The following CRADD variants were observed in gnomAD, a reference collection of about 807,000 sequenced individuals.
CRADD encodes death domain-containing protein CRADD.
CRADD carries 9 observed loss-of-function variants against 15.5 expected under a neutral mutation model. The observed-to-expected ratio is 0.58, with a 90% CI of 0.35 to 1.01. The LOEUF (loss-of-function observed/expected upper bound fraction) is 1.01, where lower values mean the gene tolerates loss of function less well. CRADD is among the 50% of genes least tolerant of loss of function. The pLI, the probability that CRADD is intolerant of heterozygous loss-of-function variation, is 0.02. For missense variants in CRADD, 227 were observed against 250.3 expected, an observed-to-expected ratio of 0.91 and a Z score of 0.63; for synonymous variants, 118 against 107.6, an observed-to-expected ratio of 1.10 and a Z score of -0.60.
intron 2 of CRADD, among the ~76,000 whole-genome samples, chr12:93,731,363 A>G (rs529326726): frequency 6.6e-6 from 1 of 152,310 alleles, no homozygotes; most frequent in Non-Finnish European, 1.5e-5. Flanking sequence ...AGATCTGTAT[A>G]TTTACTTTGC....
chr12:93,764,180 C>CTT (rs34243041), intron 2 of CRADD, among the ~76,000 whole-genome samples: 39,550 of 128,044 alleles, frequency 0.31, 6,328 homozygotes, highest in East Asian at 0.51. Flanking sequence ...ACATGATCAA[C>CTT]TTTTTTTTTT....
chr12:93,810,762 T>G (rs1193468261), intron 2 of CRADD, among the ~76,000 whole-genome samples: 1 of 152,028 alleles, frequency 6.6e-6, no homozygotes, highest in Non-Finnish European at 1.5e-5. Flanking sequence ...CAACAGTAGG[T>G]TCAACCTGGC....
intron 2 of CRADD, among the ~76,000 whole-genome samples, chr12:93,808,828 GGAA>G (rs1957581906): frequency 6.6e-6 from 1 of 152,102 alleles, no homozygotes; most frequent in African/African-American, 2.4e-5. Flanking sequence ...AGGAGGTCGG[GGAA>G]AGTAGACCAC....
chr12:93,766,156 CG>C (rs1222429165), intron 2 of CRADD, among the ~76,000 whole-genome samples: 3 of 152,134 alleles, frequency 2.0e-5, no homozygotes, highest in African/African-American at 7.2e-5. Flanking sequence ...TACTTGTCAT[CG>C]TTCATCCTCT....
At chr12:93,798,111 C>T (rs2885690) in intron 2 of CRADD, among the ~76,000 whole-genome samples, 47,316 of 152,058 alleles carry the variant, frequency 0.31, 7,652 homozygotes, top group East Asian at 0.54. Context: ...GGCAAAATCC[C>T]GCTGCTCCTC....
chr12:93,856,116 A>C (rs1258749330), intron 2 of CRADD, among the ~76,000 whole-genome samples: 20 of 152,168 alleles, frequency 1.3e-4, no homozygotes, highest in Non-Finnish European at 7.3e-5. Flanking sequence ...CAGTTTTTCT[A>C]ATCTTCTTCA....
At chr12:93,816,972 A>G (rs763592817) in intron 2 of CRADD, among the ~76,000 whole-genome samples, 11 of 152,226 alleles carry the variant, frequency 7.2e-5, no homozygotes, top group Non-Finnish European at 1.2e-4. Flanking sequence ...CTGCCTTTGG[A>G]GAAGTGGTTG....
intron 2 of CRADD, among the ~76,000 whole-genome samples, chr12:93,873,294 T>G (rs1186223404): frequency 6.6e-6 from 1 of 152,158 alleles, no homozygotes; most frequent in East Asian, 1.9e-4. Flanking sequence ...TTATCAGTTC[T>G]AATAGTTTCT....
At chr12:93,732,887 T>G (rs1294586786) in intron 2 of CRADD, among the ~76,000 whole-genome samples, 1 of 152,210 alleles carries the variant, frequency 6.6e-6, no homozygotes. Flanking sequence ...TTTTAGAAGA[T>G]TTTCATAATA....
intron 2 of CRADD, among the ~76,000 whole-genome samples, chr12:93,867,404 T>TATATATA (rs1491540248): frequency 8.6e-5 from 11 of 127,300 alleles, no homozygotes; most frequent in East Asian, 2.7e-4. Flanking sequence ...TATATATATA[T>TATATATA]TTTTTAAACT....
chr12:93,810,631 T>C (rs1162974794), intron 2 of CRADD, among the ~76,000 whole-genome samples: 1 of 143,146 alleles, frequency 7.0e-6, no homozygotes, highest in African/African-American at 2.6e-5. Flanking sequence ...GAATGCAGTA[T>C]GGCTGATGTG....
rs761719331 is a variant in CRADD, at chr12:93,886,162, C to CTTTTTTTTTTTTTTTTTTTTTTT, written c.299-7868_299-7867insTTTTTTTTTTTTTTTTTTTTTTT. ...ATGGACATGCCTCTAGCTGCTGATGCTTTTTTTTTTTTTTTTTTTTGAGAC... is the reference window on the plus strand; with the variant it reads ...ATGGACATGCCTCTAGCTGCTGATGCTTTTTTTTTTTTTTTTTTTTTTTTTTTTTTTTTTTTTTTTTTTGAGAC... On this transcript the variant is annotated intron_variant, in intron 2 of 2. Coordinates refer to the CRADD transcript ENST00000548483. Among the ~76,000 whole-genome samples the CTTTTTTTTTTTTTTTTTTTTTTT allele has an allele frequency of 2.4e-5, 3 of 123,948 alleles. 1 individual carries two copies. Among genetic ancestry groups the CTTTTTTTTTTTTTTTTTTTTTTT allele is most frequent in the Non-Finnish European group, 3.3e-5 (2 of 59,870 alleles). 81.3% of individuals were successfully genotyped at this position (123,948 alleles called of 152,430 possible). A position where few individuals can be genotyped will look rare whatever the true frequency, so the allele number is the denominator to read the frequency against.
intron 2 of CRADD, among the ~76,000 whole-genome samples, chr12:93,845,578 A>ATATATATT (rs11474114): frequency 1.3e-4 from 10 of 77,290 alleles, no homozygotes; most frequent in South Asian, 4.7e-4. Context: ...ATATATATAT[A>ATATATATT]TTTTTAATAA....
intron 2 of CRADD, among the ~76,000 whole-genome samples, chr12:93,847,273 A>G (rs1379887356): frequency 6.6e-6 from 1 of 152,118 alleles, no homozygotes; most frequent in Non-Finnish European, 1.5e-5. Context: ...CCCCTACCAT[A>G]AAGTACGAAC....
intron 2 of CRADD, among the ~76,000 whole-genome samples, chr12:93,822,910 C>A (rs1957783690): frequency 6.6e-6 from 1 of 152,148 alleles, no homozygotes; most frequent in Non-Finnish European, 1.5e-5. Flanking sequence ...AAATGGAAAT[C>A]AGTTTTATGA....
chr12:93,853,815 G>C (rs537143495), downstream of CRADD, among the ~76,000 whole-genome samples: 2 of 152,176 alleles, frequency 1.3e-5, no homozygotes, highest in African/African-American at 4.8e-5. Context: ...GATAGTCTAC[G>C]TGTTGCCACT....
At chr12:93,884,560 GC>G (rs1565948450) in intron 2 of CRADD, among the ~76,000 whole-genome samples, 1 of 152,208 alleles carries the variant, frequency 6.6e-6, no homozygotes, top group Non-Finnish European at 1.5e-5. Flanking sequence ...GGAATTTGCA[GC>G]GAGGAGGAAC....
chr12:93,689,295 T>C (rs763542309), intron 2 of CRADD, among the ~76,000 whole-genome samples: 1 of 152,194 alleles, frequency 6.6e-6, no homozygotes, highest in African/African-American at 2.4e-5. Context: ...GTTCTCTTTT[T>C]ATGGGTGTAG....
chr12:93,770,114 G>A (rs866628863), intron 2 of CRADD, among the ~76,000 whole-genome samples: 1 of 34,788 alleles, frequency 2.9e-5, no homozygotes, highest in African/African-American at 1.1e-4. Context: ...TTTTTTTTTT[G>A]AGACGGAGTC....
Sources: allele counts gnomAD v4.1 joint callset (sites outside exome capture counted in the v4.1 genomes callset), GRCh38; gene constraint gnomAD v4.1.1; transcripts MANE v1.5; gene names NCBI Gene and HGNC (gene_info 2026-07-23, HGNC 2026-07-21).